Variants in PHACTR1 observed in about 807,000 individuals in gnomAD.
PHACTR1 encodes RPEL repeat containing 1.
In PHACTR1, 16 loss-of-function variants were observed where a neutral mutation model predicts 69.2. The ratio of observed to expected loss-of-function variants is 0.23; its 90% CI spans 0.16 to 0.35. The LOEUF is 0.35. Among genes scored for constraint, PHACTR1 ranks in the 10% least tolerant of loss-of-function variants. PHACTR1 has a pLI of 1.00. For missense variants in PHACTR1, 510 were observed against 734.7 expected, an observed-to-expected ratio of 0.69 and a Z score of 3.54; for synonymous variants, 312 against 284.5, an observed-to-expected ratio of 1.10 and a Z score of -0.97.
chr6:12,886,098 AAAAC>A (rs1783607788), intron 4 of PHACTR1, among the ~76,000 whole-genome samples: 1 of 152,174 alleles, frequency 6.6e-6, no homozygotes, highest in African/African-American at 2.4e-5. Flanking sequence ...CCATCTCTAG[AAAAC>A]AAACAAAAAC....
chr6:12,815,712 G>T (rs1775501905), intron 4 of PHACTR1, among the ~76,000 whole-genome samples: 1 of 152,142 alleles, frequency 6.6e-6, no homozygotes, highest in Admixed American at 6.5e-5. Flanking sequence ...CTGTTTCCTT[G>T]TCTTCAGTTA....
At chr6:12,782,736 G>T (rs7760140) in intron 4 of PHACTR1, among the ~76,000 whole-genome samples, 56,487 of 151,950 alleles carry the variant, frequency 0.37, 11,294 homozygotes, top group African/African-American at 0.5. Flanking sequence ...CTATTAATTA[G>T]ACAGGCAAAG....
chr6:12,947,961 G>A (rs970688802), intron 4 of PHACTR1, among the ~76,000 whole-genome samples: 1 of 152,216 alleles, frequency 6.6e-6, no homozygotes, highest in African/African-American at 2.4e-5. Context: ...ATGAATAAGT[G>A]AATGAACAAG....
intron 4 of PHACTR1, among the ~76,000 whole-genome samples, chr6:12,953,977 C>G (rs1349332299): frequency 6.6e-6 from 1 of 152,096 alleles, no homozygotes; most frequent in Admixed American, 6.5e-5. Flanking sequence ...AGTTATAATA[C>G]ATTGACTAAT....
At chr6:12,840,409 C>G (rs1021852276) in intron 4 of PHACTR1, among the ~76,000 whole-genome samples, 5 of 152,144 alleles carry the variant, frequency 3.3e-5, no homozygotes, top group African/African-American at 1.2e-4. Flanking sequence ...TTAACTTGCT[C>G]CATCATGCTA....
intron 5 of PHACTR1, among the ~76,000 whole-genome samples, chr6:13,138,609 G>A (rs1043367742): frequency 6.6e-6 from 1 of 152,196 alleles, no homozygotes; most frequent in South Asian, 2.1e-4. Flanking sequence ...TACAGGCCAA[G>A]GTTGAAGCCT....
Position 13,227,798 on chromosome 6 carries a change from C to T in PHACTR1, c.987-18C>T, listed in dbSNP as rs1465780222. On this transcript the variant is annotated intron_variant, in intron 8 of 14. Coordinates refer to ENST00000332995, the MANE Select transcript of PHACTR1 (RefSeq NM_030948.6). ...TTAGCCAAAGTGAATTTCCTCTTTC[C>T]TCCTTGTCTTTAAACAGCTCTGAGC... The T allele has an allele frequency of 2.5e-6, 4 of 1,607,200 alleles. No individual in the cohort carries two copies. The highest frequency in any genetic ancestry group is 1.1e-5 in the South Asian group (1 of 90,820).
chr6:12,744,531 G>T (rs1765515220), intron 3 of PHACTR1, among the ~76,000 whole-genome samples: 11 of 152,124 alleles, frequency 7.2e-5, no homozygotes, highest in Admixed American at 6.5e-4. Flanking sequence ...TGGGTCTGGA[G>T]TCTCCTCAAT....
rs1028163514 is a variant in PHACTR1 at position 13,103,169 on chromosome 6, G to A, written c.415+49640G>A. On this transcript the variant is annotated intron_variant, in intron 5 of 14. Coordinates refer to ENST00000332995, the MANE Select transcript of PHACTR1 (RefSeq NM_030948.6). ...CATGCAAAATGAATTACTTCGTCCT[G>A]TTGGGAAAAAATGCCATGCTGTTAA... 2.0e-5 allele frequency among the ~76,000 whole-genome samples: 3 copies of A among 152,152 alleles called. No individual in the cohort carries two copies. The South Asian group carries it at 6.2e-4, about 31-fold the overall frequency.
intron 4 of PHACTR1, among the ~76,000 whole-genome samples, chr6:12,821,976 T>C (rs964987199): frequency 6.6e-6 from 1 of 152,196 alleles, no homozygotes; most frequent in African/African-American, 2.4e-5. Flanking sequence ...ATCATTTTAA[T>C]TGTAAGCCCC....
intron 4 of PHACTR1, among the ~76,000 whole-genome samples, chr6:12,923,189 A>G (rs1198254234): frequency 2.0e-5 from 3 of 152,214 alleles, no homozygotes; most frequent in African/African-American, 7.2e-5. Context: ...TGCCCAAACT[A>G]GAAGAGATGA....
At chr6:13,046,533 G>A (rs945682368) in intron 4 of PHACTR1, among the ~76,000 whole-genome samples, 5 of 152,086 alleles carry the variant, frequency 3.3e-5, no homozygotes, top group Non-Finnish European at 7.4e-5. Context: ...CGTACTCACC[G>A]ATGTTAACAT....
chr6:12,901,528 T>C (rs1179211561), intron 4 of PHACTR1, among the ~76,000 whole-genome samples: 1 of 152,196 alleles, frequency 6.6e-6, no homozygotes, highest in African/African-American at 2.4e-5. Flanking sequence ...GGAGTCCTGC[T>C]CTGTCGCCCA....
intron 4 of PHACTR1, among the ~76,000 whole-genome samples, chr6:12,935,194 C>T (rs1444514372): frequency 6.6e-6 from 1 of 152,138 alleles, no homozygotes; most frequent in African/African-American, 2.4e-5. Context: ...GTGTGAAGAA[C>T]AAACAAGGAC....
intron 5 of PHACTR1, among the ~76,000 whole-genome samples, chr6:13,147,303 A>G (rs1223531): frequency 0.2 from 30,888 of 152,152 alleles, 3,366 homozygotes; most frequent in South Asian, 0.39. Context: ...AGAAAATGGA[A>G]TCTGTAAGTT....
chr6:13,206,491 T>C (rs1052864831), intron 8 of PHACTR1, among the ~76,000 whole-genome samples: 1 of 152,176 alleles, frequency 6.6e-6, no homozygotes, highest in South Asian at 2.1e-4. Flanking sequence ...CTAATTGATA[T>C]AAACAAGACT....
At chr6:12,925,405 A>G (rs867605573) in intron 4 of PHACTR1, among the ~76,000 whole-genome samples, 1 of 152,246 alleles carries the variant, frequency 6.6e-6, no homozygotes, top group Admixed American at 6.5e-5. Flanking sequence ...ACACTCTTTC[A>G]TATGACATAC....
Position 13,283,402 on chromosome 6 carries a change from A to C in PHACTR1, c.1510-20A>C, listed in dbSNP as rs369972544. On this transcript the variant is annotated intron_variant, in intron 12 of 14. Transcript: ENST00000332995. The surrounding 1 kb of genome is among the most constrained non-coding windows in gnomAD (Gnocchi z 4.7). ...TCAACCCTTCTGGCTGACTGGGTCC[A>C]TCTCTCTCCCTCCCTGCAGCTCAGT... 2.5e-6 allele frequency: 4 copies of C among 1,612,518 alleles called. No homozygotes were observed. Among genetic ancestry groups the C allele is most frequent in the Non-Finnish European group, 3.4e-6 (4 of 1,179,448 alleles).
chr6:12,977,861 A>G (rs955560551), intron 4 of PHACTR1, among the ~76,000 whole-genome samples: 2 of 152,170 alleles, frequency 1.3e-5, no homozygotes, highest in African/African-American at 4.8e-5. Flanking sequence ...TCTGAACCTC[A>G]GCCTCCCCCT....
Sources: gnomAD v4.1 joint callset for allele counts (sites outside exome capture counted in the v4.1 genomes callset) on GRCh38, gnomAD v4.1.1 for gene constraint, Gnocchi (gnomAD v3.1) non-coding constraint, MANE v1.5 for transcripts, NCBI Gene and HGNC (gene_info 2026-07-23, HGNC 2026-07-21) for gene names.